RINL: variants seen among roughly 807,000 people sequenced by gnomAD.
The protein encoded by RINL is Ras and Rab interactor like.
Under a neutral mutation model 58.1 loss-of-function variants are expected in RINL, and 39 were observed. The observed-to-expected ratio is 0.67, with a 90% CI of 0.52 to 0.88. The LOEUF (loss-of-function observed/expected upper bound fraction) is 0.88, where lower values mean the gene tolerates loss of function less well. Among genes scored for constraint, RINL ranks in the 40% least tolerant of loss-of-function variants. The pLI is 0.00. For missense variants in RINL, 711 were observed against 749.2 expected, an observed-to-expected ratio of 0.95 and a Z score of 0.60; for synonymous variants, 286 against 323.1, an observed-to-expected ratio of 0.89 and a Z score of 1.23.
chr19:38,877,329 T>G (rs1453099707), intron 1 of RINL, among the ~76,000 whole-genome samples: 1 of 152,064 alleles, frequency 6.6e-6, no homozygotes, highest in East Asian at 1.9e-4. Context: ...TTTACTGAAG[T>G]GGTAGGAAAT....
chr19:38,871,148 G>A lies in RINL; in HGVS notation c.531C>T (p.Thr177=). 2 of 1,613,848 alleles carry A rather than the reference G, an allele frequency of 1.2e-6. No homozygotes were observed. The highest frequency in any genetic ancestry group is 1.1e-5 in the South Asian group (1 of 91,076). ...LSIVNQLYLE[T]HRGWGREQTP... is the part of the protein sequence containing the mutation. ...TCTGCTCCCTCCCCCAGCCTCTGTG[G>A]GTCTCCAGGTAGAGCTGGTTCACAA... Residue 177 remains threonine (T), a synonymous_variant, in exon 7 of 12, where the codon ACC becomes ACT. Coordinates refer to ENST00000591812, the MANE Select transcript of RINL (RefSeq NM_001195833.2).
intron 3 of RINL, among the ~76,000 whole-genome samples, chr19:38,875,842 A>G (rs1488157722): frequency 6.6e-6 from 1 of 152,198 alleles, no homozygotes; most frequent in Non-Finnish European, 1.5e-5. Context: ...TGCTGGCCTC[A>G]ATGTCACTGC....
Position 38,869,613 on chromosome 19 carries a change from A to G in RINL, c.1434T>C (p.Phe478=), listed in dbSNP as rs781353695. Residue 478 remains phenylalanine, a synonymous_variant, in exon 10 of 12, where the codon TTT becomes TTC. Coordinates refer to ENST00000591812, the MANE Select transcript of RINL (RefSeq NM_001195833.2). The surrounding 1 kb of genome is among the most constrained non-coding windows in gnomAD (Gnocchi z 5.7). Reference sequence around the variant, plus strand: ...CATCTGGATCTAAGAGCTCCATAAGAAACTCTACGTCCAGCTGCGTGTCCC... The same window carrying G: ...CATCTGGATCTAAGAGCTCCATAAGGAACTCTACGTCCAGCTGCGTGTCCC... The part of the protein sequence containing the change: ...DIGDTQLDVE[F]LMELLDPDEL... 3 of 1,613,828 alleles carry G rather than the reference A, an allele frequency of 1.9e-6. No individual in the cohort carries two copies. The highest frequency in any genetic ancestry group is 2.5e-6 in the Non-Finnish European group (3 of 1,179,982).
At chr19:38,876,305 A>G in intron 3 of RINL, 26 bp downstream of exon 3, 2 of 1,527,248 alleles carry the variant, frequency 1.3e-6, no homozygotes, top group Non-Finnish European at 1.8e-6. Flanking sequence ...GGGTGTCAGG[A>G]TGGGCCCCCA....
chr19:38,869,144 G>A lies in RINL; in HGVS notation c.1661C>T (p.Pro554Leu). Residue 554 changes from proline to leucine, a missense_variant, in exon 12 of 12, where the codon CCA (proline) becomes CTA (leucine). Coordinates refer to ENST00000591812, the MANE Select transcript of RINL (RefSeq NM_001195833.2). The surrounding 1 kb of genome is among the most constrained non-coding windows in gnomAD (Gnocchi z 5.7). ...CCCTGTCACAGTCTCTTCTGCCCAT[G>A]GCTCCTTAAAGGGCAGGTTGGCCTG... ...RAQANLPFKE[P>L]WAEETVTGTS... is the part of the protein sequence containing the mutation. The A allele has an allele frequency of 6.2e-7, 1 of 1,613,666 alleles. No homozygotes were observed. Among genetic ancestry groups the A allele is most frequent in the African/African-American group, 1.3e-5 (1 of 75,012 alleles).
chr19:38,871,809 TAGAA>T lies in RINL; in HGVS notation c.371_374del (p.Phe124TyrfsTer19). 6.2e-7 allele frequency: 1 copy of T among 1,614,056 alleles called. No homozygotes were observed. The highest frequency in any genetic ancestry group is 8.5e-7 in the Non-Finnish European group (1 of 1,179,964). ...TGGGTGACCTGTACCTGCTGGCTGA[TAGAA>T]AGGCCAGGAGATGGGGCAGGTCTGG... On this transcript the variant is annotated frameshift_variant, in exon 5 of 12. Transcript: ENST00000591812. LOFTEE classifies it high-confidence loss of function.
Position 38,869,429 on chromosome 19 carries a change from G to T in RINL, c.1475-19C>A. ...TACCCAGCTGGGGACAGAAAGGGAA[G>T]TCAGCTCCGCCCTCTCGGCTTCCCT... On this transcript the variant is annotated intron_variant, in intron 10 of 11. Coordinates refer to ENST00000591812, the MANE Select transcript of RINL (RefSeq NM_001195833.2). This position sits in a 1 kb window ranked among gnomAD's most constrained non-coding sequence, Gnocchi z 5.7. 1 of 1,582,994 alleles carries T rather than the reference G, an allele frequency of 6.3e-7. No individual in the cohort carries two copies. The highest frequency in any genetic ancestry group is 8.6e-7 in the Non-Finnish European group (1 of 1,161,370).
In RINL at chr19:38,874,807, G is replaced by C. The variant is rs1184218644; in HGVS notation, c.211-819C>G. On this transcript the variant is annotated intron_variant, in intron 3 of 11. Transcript: ENST00000591812. ...TGATTGATATAGGTGGTGGTTCTTA[G>C]CTCTGGCTGTATACGTCCCAAGAGA... is the stretch of plus-strand genomic sequence containing the variant. Among the ~76,000 whole-genome samples the C allele has an allele frequency of 4.6e-5, 7 of 152,196 alleles. No homozygotes were observed. In the East Asian group the frequency reaches 1.3e-3, roughly 29 times the overall value.
At chr19:38,871,421 C>A (rs1972812280) in intron 6 of RINL, 194 bp from the exon 7 acceptor site, 2 of 694,816 alleles carry the variant, frequency 2.9e-6, no homozygotes, top group Non-Finnish European at 4.8e-6. Flanking sequence ...GTCCGGGACC[C>A]CCAGTTCCTT....
rs1219802958 is a variant in RINL, at chr19:38,869,545, C to T, written c.1474+28G>A. ...ATCCCGGAGGTACTGGATCGCTGGG[C>T]TCCAGCATTCTGGAGTTGGGGGCTC... is the stretch of plus-strand genomic sequence containing the variant. On this transcript the variant is annotated intron_variant, in intron 10 of 11. Transcript: ENST00000591812. The surrounding 1 kb of genome is among the most constrained non-coding windows in gnomAD (Gnocchi z 5.7). 2 of 1,611,602 alleles carry T rather than the reference C, an allele frequency of 1.2e-6. No individual in the cohort carries two copies. The highest frequency in any genetic ancestry group is 2.2e-5 in the South Asian group (2 of 90,924).
At position 38,869,361 on chromosome 19, in the gene RINL, G is replaced by A; in HGVS notation, c.1524C>T (p.His508=). 6.2e-7 allele frequency: 1 copy of A among 1,612,990 alleles called. No individual in the cohort carries two copies. The highest frequency in any genetic ancestry group is 2.2e-5 in the East Asian group (1 of 44,840). The stretch of plus-strand genomic sequence containing the variant: ...GAGCGCGGTCTGTTTCGGGCTGGTA[G>A]TGGGCAATGTGGTGCAGCGCCCCAA... ...TWFGALHHIA[H]YQPETDRAPR... Residue 508 remains histidine, a synonymous_variant, in exon 11 of 12, where the codon CAC becomes CAT. Transcript: ENST00000591812. The surrounding 1 kb of genome is among the most constrained non-coding windows in gnomAD (Gnocchi z 5.7).
intron 4 of RINL, chr19:38,873,685 C>T (rs1568388191): frequency 2.2e-6 from 1 of 457,982 alleles, no homozygotes; most frequent in South Asian, 2.5e-5. Context: ...GTCACCAAGC[C>T]CGGCTAATTT....
At position 38,869,582 on chromosome 19, in the gene RINL, G is replaced by T. The variant is rs749463854; in HGVS notation, c.1465C>A (p.Arg489=). 6.2e-7 allele frequency: 1 copy of T among 1,613,668 alleles called. No individual in the cohort carries two copies. The highest frequency in any genetic ancestry group is 1.7e-5 in the Admixed American group (1 of 60,004). Residue 489 remains arginine (R), a synonymous_variant, in exon 10 of 12, where the codon CGG becomes AGG. Transcript: ENST00000591812. This position sits in a 1 kb window ranked among gnomAD's most constrained non-coding sequence, Gnocchi z 5.7. ...LMELLDPDEL[R]GEAGYYLTTW... ...GGAGTTGGGGGCTCACCCTCTCCCCGCAGCTCATCTGGATCTAAGAGCTCC... is the reference window on the plus strand; with the variant it reads ...GGAGTTGGGGGCTCACCCTCTCCCCTCAGCTCATCTGGATCTAAGAGCTCC...
chr19:38,875,968 T>C (rs1385028622), intron 3 of RINL, among the ~76,000 whole-genome samples: 1 of 152,152 alleles, frequency 6.6e-6, no homozygotes, highest in Non-Finnish European at 1.5e-5. Context: ...ATATCCAAAA[T>C]TCCCCGCAGT....
At chr19:38,876,625 G>C in intron 2 of RINL, 68 bp downstream of exon 2, 1 of 1,461,052 alleles carries the variant, frequency 6.8e-7, no homozygotes, top group South Asian at 1.2e-5. Flanking sequence ...TAGTGAGGGA[G>C]GTATTGGATG....
At position 38,871,188 on chromosome 19, in the gene RINL, C is replaced by T. The variant is rs912228498; in HGVS notation, c.491G>A (p.Gly164Glu). ...QIGRVQQDTPGKVLSIVNQLY... is the reference protein window; with the variant it reads ...QIGRVQQDTPEKVLSIVNQLY... ...CTGGTTCACAATGGAAAGCACCTTC[C>T]CTGGGGTGTCCTGTTGGACCCTGCC... is the stretch of plus-strand genomic sequence containing the variant. The change falls in exon 7 of 12, where the codon GGG becomes GAG. Residue 164 changes from glycine to glutamate, a missense_variant. Gly to Glu is a moderately conservative substitution (Grantham distance 98). Coordinates refer to ENST00000591812, the MANE Select transcript of RINL (RefSeq NM_001195833.2). 6 of 1,613,954 alleles carry T rather than the reference C, an allele frequency of 3.7e-6. No homozygotes were observed. The highest frequency in any genetic ancestry group is 2.7e-5 in the African/African-American group (2 of 74,916).
At chr19:38,875,056 A>G (rs1041245756) in intron 3 of RINL, among the ~76,000 whole-genome samples, 2 of 151,218 alleles carry the variant, frequency 1.3e-5, no homozygotes, top group African/African-American at 4.9e-5. Context: ...AATCGCTTGA[A>G]CCCGGGAGGC....
At chr19:38,876,631 G>A (rs1407746943) in intron 2 of RINL, 62 bp downstream of exon 2, 20 of 1,480,722 alleles carry the variant, frequency 1.4e-5, no homozygotes, top group Admixed American at 1.2e-4. Flanking sequence ...GGGAGGTATT[G>A]GATGGAAAGG....
At position 38,873,994 on chromosome 19, in the gene RINL, G is replaced by A. The variant is rs181445889; in HGVS notation, c.211-6C>T. ...CGTCCTGTGACCAAGAAACTCTGGG[G>A]GATAGAGACAAAGGCCAGCGTGACA... On this transcript the variant is annotated splice_polypyrimidine_tract_variant and splice_region_variant and intron_variant, in intron 3 of 11. Transcript: ENST00000591812. The A allele has an allele frequency of 3.8e-5, 57 of 1,517,816 alleles. No homozygotes were observed. Among genetic ancestry groups the A allele is most frequent in the Non-Finnish European group, 4.2e-5 (48 of 1,130,458 alleles). 94.0% of individuals were successfully genotyped at this position (1,517,816 alleles called of 1,614,324 possible).
Sources: allele counts gnomAD v4.1 joint callset (sites outside exome capture counted in the v4.1 genomes callset), GRCh38; gene constraint gnomAD v4.1.1; non-coding constraint Gnocchi (gnomAD v3.1); transcripts MANE v1.5; gene names NCBI Gene and HGNC (gene_info 2026-07-23, HGNC 2026-07-21).